Variants in ACSL3 observed in about 807,000 individuals in gnomAD.
ACSL3 encodes the protein fatty acid CoA ligase Acsl3.
Under a neutral mutation model 84.7 loss-of-function variants are expected in ACSL3, and 34 were observed. That is an observed-to-expected ratio of 0.40 (90% CI 0.31 to 0.53). The LOEUF (loss-of-function observed/expected upper bound fraction) is 0.53, where lower values mean the gene tolerates loss of function less well. ACSL3 is among the 20% of genes least tolerant of loss of function. The pLI is 0.48. For missense variants in ACSL3, 680 were observed against 873.1 expected (o/e 0.78, Z 2.79); for synonymous variants, 315 against 299.4 (o/e 1.05, Z -0.54).
intron 1 of ACSL3, among the ~76,000 whole-genome samples, chr2:222,865,794 CTGTG>C (rs3219912): frequency 0.34 from 50,892 of 150,000 alleles, 8,845 homozygotes; most frequent in East Asian, 0.66. Flanking sequence ...TTTGGATCCT[CTGTG>C]TGTGTGTGTG....
Position 222,933,153 on chromosome 2 carries a change from C to G in ACSL3, c.1733-13C>G. The G allele has an allele frequency of 2.6e-6, 4 of 1,558,626 alleles. No homozygotes were observed. In the East Asian group the frequency reaches 9.0e-5, roughly 35 times the overall value. Reference sequence around the variant, plus strand: ...TCATTGTTTTCCCCTCTCCACCTTTCTTTGTTTTGCAGATCGTAAAAAGGA... The same window carrying G: ...TCATTGTTTTCCCCTCTCCACCTTTGTTTGTTTTGCAGATCGTAAAAAGGA... On this transcript the variant is annotated splice_polypyrimidine_tract_variant and intron_variant, in intron 14 of 16. Transcript: ENST00000357430.
intron 1 of ACSL3, among the ~76,000 whole-genome samples, chr2:222,872,789 G>A (rs561595441): frequency 3.5e-4 from 53 of 152,196 alleles, no homozygotes; most frequent in African/African-American, 2.9e-4. Flanking sequence ...GTAGTGGGGC[G>A]GTGTGGTGGT....
At position 222,936,935 on chromosome 2, in the gene ACSL3, G is replaced by A. The variant is rs142870024; in HGVS notation, c.2005+2248G>A. 2.8e-3 allele frequency among the ~76,000 whole-genome samples: 426 copies of A among 152,174 alleles called. 1 individual carries two copies. The highest frequency in any genetic ancestry group is 9.7e-3 in the African/African-American group (402 of 41,504). On this transcript the variant is annotated intron_variant, in intron 16 of 16. Transcript: ENST00000357430. Reference sequence around the variant, plus strand: ...CTTGTGAGGTCTCACTCACCATCACGAGAACAACATGGAGAAACCGCACCC... The same window carrying A: ...CTTGTGAGGTCTCACTCACCATCACAAGAACAACATGGAGAAACCGCACCC...
At chr2:222,934,460 C>A in intron 15 of ACSL3, 70 bp from the exon 16 acceptor site, 1 of 1,268,694 alleles carries the variant, frequency 7.9e-7, no homozygotes, top group Non-Finnish European at 1.0e-6. Context: ...CTACTTGTCA[C>A]TGTAATAATA....
At position 222,861,114 on chromosome 2, in the gene ACSL3, G is replaced by C. The variant is rs1694990608; in HGVS notation, c.-351G>C. 1 of 152,290 alleles carries C rather than the reference G, an allele frequency of 6.6e-6. No individual in the cohort carries two copies. The highest frequency in any genetic ancestry group is 1.9e-4 in the East Asian group (1 of 5,184). The allele number at this position is 152,290 out of a possible 1,614,324, so 9.4% of individuals were successfully genotyped here. On this transcript the variant is annotated 5_prime_UTR_variant, in exon 1 of 17. Coordinates refer to ENST00000357430, the MANE Select transcript of ACSL3 (RefSeq NM_004457.5). ...GGGCCGGGACGAGGAGGCGTTGGACGGGGTCGCATACGTTCGTCCCCTCGC... is the reference window on the plus strand; with the variant it reads ...GGGCCGGGACGAGGAGGCGTTGGACCGGGTCGCATACGTTCGTCCCCTCGC...
rs1392285016 is a variant in ACSL3 at position 222,920,493 on chromosome 2, TA to T, written c.806-785del. ...GTGTTTTAATGCAGGACTCTGAGTGTAACCAAGTTAGTCACCATTCTGAAGC... is the reference window on the plus strand; with the variant it reads ...GTGTTTTAATGCAGGACTCTGAGTGTACCAAGTTAGTCACCATTCTGAAGC... On this transcript the variant is annotated intron_variant, in intron 7 of 16. Coordinates refer to ENST00000357430, the MANE Select transcript of ACSL3 (RefSeq NM_004457.5). Among the ~76,000 whole-genome samples the T allele has an allele frequency of 5.9e-5, 9 of 152,220 alleles. 1 individual carries two copies. Among genetic ancestry groups the T allele is most frequent in the Middle Eastern group, 6.3e-3 (2 of 316 alleles).
At chr2:222,908,439 C>G (rs1038589100) in intron 3 of ACSL3, among the ~76,000 whole-genome samples, 22 of 152,174 alleles carry the variant, frequency 1.4e-4, no homozygotes, top group African/African-American at 5.3e-4. Flanking sequence ...TGGTCTTCCC[C>G]CAACCCTCTT....
At chr2:222,889,135 T>G (rs1695787848) in intron 2 of ACSL3, among the ~76,000 whole-genome samples, 1 of 152,190 alleles carries the variant, frequency 6.6e-6, no homozygotes, top group Non-Finnish European at 1.5e-5. Flanking sequence ...TTTAAATAGG[T>G]AGACATTTAT....
chr2:222,926,554 A>G (rs1003048227), intron 11 of ACSL3, among the ~76,000 whole-genome samples: 8 of 152,340 alleles, frequency 5.3e-5, no homozygotes, highest in South Asian at 4.1e-4. Flanking sequence ...TTAACAAACA[A>G]TTCAAAGCTT....
intron 1 of ACSL3, among the ~76,000 whole-genome samples, chr2:222,876,033 G>A (rs1208674951): frequency 6.6e-6 from 1 of 152,204 alleles, no homozygotes; most frequent in African/African-American, 2.4e-5. Context: ...AGTTAAAAGT[G>A]CTAATGTAGA....
chr2:222,933,123 A>G (rs749441497), intron 14 of ACSL3, 43 bp from the exon 15 acceptor site: 6 of 1,156,558 alleles, frequency 5.2e-6, no homozygotes, highest in Non-Finnish European at 7.7e-6. Flanking sequence ...TACTAATATT[A>G]TTACTCATTG....
At chr2:222,939,327 T>TC (rs934719347) in intron 16 of ACSL3, among the ~76,000 whole-genome samples, 5 of 152,190 alleles carry the variant, frequency 3.3e-5, no homozygotes, top group African/African-American at 1.2e-4. Flanking sequence ...CGAGGCTGTG[T>TC]CCTTTTTGAG....
intron 1 of ACSL3, among the ~76,000 whole-genome samples, chr2:222,864,045 C>T (rs997398574): frequency 6.6e-6 from 1 of 151,378 alleles, no homozygotes; most frequent in Admixed American, 6.6e-5. Flanking sequence ...AACAGAAATA[C>T]TGAGAAAATG....
intron 10 of ACSL3, 49 bp downstream of exon 10, chr2:222,923,198 G>A (rs771277131): frequency 2.9e-5 from 42 of 1,433,486 alleles, no homozygotes; most frequent in Admixed American, 1.2e-4. Flanking sequence ...AGTATCACCC[G>A]CTACAAAGCA....
intron 2 of ACSL3, among the ~76,000 whole-genome samples, chr2:222,892,315 T>G (rs1410392022): frequency 6.6e-6 from 1 of 152,244 alleles, no homozygotes; most frequent in Non-Finnish European, 1.5e-5. Context: ...AGTAAATGTT[T>G]TAAAACCATT....
intron 15 of ACSL3, 28 bp from the exon 16 acceptor site, chr2:222,934,502 C>A: frequency 2.0e-6 from 3 of 1,488,592 alleles, no homozygotes; most frequent in South Asian, 1.4e-5. Context: ...CATTTTGTTC[C>A]TTATCTGTTA....
chr2:222,888,662 A>G (rs1471824724), intron 2 of ACSL3, among the ~76,000 whole-genome samples: 1 of 152,212 alleles, frequency 6.6e-6, no homozygotes, highest in East Asian at 1.9e-4. Flanking sequence ...GTTTATTATT[A>G]AAAACTGTAA....
rs573522935 is a variant in ACSL3, at chr2:222,921,243, T to C, written c.806-37T>C. ...AAATTGTTGATACAGCTGAATCTCA[T>C]GAAAGTGTATGTGTGTGTTTTTTCT... is the stretch of plus-strand genomic sequence containing the variant. On this transcript the variant is annotated intron_variant, in intron 7 of 16. Coordinates refer to ENST00000357430, the MANE Select transcript of ACSL3 (RefSeq NM_004457.5). The C allele has an allele frequency of 2.1e-4, 327 of 1,579,176 alleles. 2 individuals are homozygous for C. In the South Asian group the frequency reaches 3.4e-3, roughly 17 times the overall value.
chr2:222,913,112 T>G (rs1350013553), intron 4 of ACSL3, among the ~76,000 whole-genome samples: 1 of 152,234 alleles, frequency 6.6e-6, no homozygotes, highest in African/African-American at 2.4e-5. Flanking sequence ...TGATTTTTTC[T>G]TAGATATTTT....
Sources: gnomAD v4.1 joint callset for allele counts (sites outside exome capture counted in the v4.1 genomes callset) on GRCh38, gnomAD v4.1.1 for gene constraint, MANE v1.5 for transcripts, NCBI Gene and HGNC (gene_info 2026-07-23, HGNC 2026-07-21) for gene names.